Variants in GALNT10 observed in about 807,000 individuals in gnomAD.
GALNT10 encodes the protein GalNAc transferase 10.
Under a neutral mutation model 75.0 loss-of-function variants are expected in GALNT10, and 41 were observed. That is an observed-to-expected ratio of 0.55 (90% CI 0.43 to 0.71). The LOEUF is 0.71. Among genes scored for constraint, GALNT10 ranks in the 30% least tolerant of loss-of-function variants. The probability of loss-of-function intolerance (pLI) is 0.00; values close to 1 mark genes in which losing one functional copy is unlikely to be tolerated. For synonymous variants in GALNT10, 302 were observed against 313.0 expected, an observed-to-expected ratio of 0.96 and a Z score of 0.37; for missense variants, 727 against 818.5, an observed-to-expected ratio of 0.89 and a Z score of 1.36.
chr5:154,264,597 A>C (rs1224875496), intron 1 of GALNT10, among the ~76,000 whole-genome samples: 1 of 152,116 alleles, frequency 6.6e-6, no homozygotes, highest in African/African-American at 2.4e-5. Flanking sequence ...AAGAAGAGTA[A>C]ATCTTTTTAC....
intron 1 of GALNT10, among the ~76,000 whole-genome samples, chr5:154,270,869 C>A (rs1352895062): frequency 6.6e-6 from 1 of 151,862 alleles, no homozygotes; most frequent in Non-Finnish European, 1.5e-5. Context: ...TGGCGCACAC[C>A]TGTAGTCCCA....
At position 154,412,739 on chromosome 5, in the gene GALNT10, C is replaced by T. The variant is rs1258440855; in HGVS notation, c.1387-150C>T. The T allele has an allele frequency of 4.3e-6, 3 of 695,672 alleles. No individual in the cohort carries two copies. Among genetic ancestry groups the T allele is most frequent in the Non-Finnish European group, 5.2e-6 (2 of 383,860 alleles). 43.1% of individuals were successfully genotyped at this position (695,672 alleles called of 1,614,324 possible). A position where few individuals can be genotyped will look rare whatever the true frequency, so the allele number is the denominator to read the frequency against. On this transcript the variant is annotated intron_variant, in intron 9 of 11. Coordinates refer to ENST00000297107, the MANE Select transcript of GALNT10 (RefSeq NM_198321.4). The surrounding 1 kb of genome is among the most constrained non-coding windows in gnomAD (Gnocchi z 4.2). ...TTCCTTCATTGAGAGGCTCAAGGTA[C>T]TTCCAACAGCCCAGGGCAAGCTTTA... is the stretch of plus-strand genomic sequence containing the variant.
In GALNT10 at chr5:154,419,516, G is replaced by C. The variant is rs147326733; in HGVS notation, c.*2544G>C. 6.6e-6 allele frequency: 1 copy of C among 152,400 alleles called. No homozygotes were observed. The highest frequency in any genetic ancestry group is 2.1e-4 in the South Asian group (1 of 4,826). 9.4% of individuals were successfully genotyped at this position (152,400 alleles called of 1,614,324 possible). A position where few individuals can be genotyped will look rare whatever the true frequency, so the allele number is the denominator to read the frequency against. ...GTGAAAGCAGGAGCAGCAGCAAGCC[G>C]TCCCGGGCCTGCCTTTCCCATCCTT... is the stretch of plus-strand genomic sequence containing the variant. On this transcript the variant is annotated 3_prime_UTR_variant, in exon 12 of 12. Transcript: ENST00000297107.
chr5:154,341,138 G>A (rs79345169), intron 4 of GALNT10, among the ~76,000 whole-genome samples: 1,791 of 151,686 alleles, frequency 0.012, 30 homozygotes, highest in African/African-American at 0.041. Flanking sequence ...CCTTCCTCTC[G>A]TGTGATTTAG....
chr5:154,224,778 CTTT>C (rs549615789), intron 1 of GALNT10, among the ~76,000 whole-genome samples: 3 of 117,582 alleles, frequency 2.6e-5, no homozygotes, highest in African/African-American at 6.2e-5. Context: ...AAGCTCACTT[CTTT>C]TTTTTTTTTT....
chr5:154,370,654 C>T (rs1387541558), intron 4 of GALNT10, among the ~76,000 whole-genome samples: 3 of 152,118 alleles, frequency 2.0e-5, no homozygotes, highest in Non-Finnish European at 4.4e-5. Flanking sequence ...GGGGGCAAGA[C>T]GAGGCTGAAG....
At chr5:154,335,783 T>A (rs1302501929) in intron 4 of GALNT10, among the ~76,000 whole-genome samples, 1 of 152,160 alleles carries the variant, frequency 6.6e-6, no homozygotes. Context: ...TCCCATACCA[T>A]AGTGGTACAT....
rs754745418 is a variant in GALNT10 at position 154,416,961 on chromosome 5, A to G, written c.1801A>G (p.Asn601Asp). The change falls in exon 12 of 12, where the codon AAT becomes GAT. Residue 601 changes from asparagine (N) to aspartate (D), a missense_variant. Physicochemically the swap from Asn to Asp is conservative, Grantham distance 23. Coordinates refer to ENST00000297107, the MANE Select transcript of GALNT10 (RefSeq NM_198321.4). This position sits in a 1 kb window ranked among gnomAD's most constrained non-coding sequence, Gnocchi z 4.5. ...HTNSTVLEKF[N>D]RN ...CAACTCAACAGTCTTGGAAAAATTCAATAGGAACTGAGCCCTCATGTCCCC... is the reference window on the plus strand; with the variant it reads ...CAACTCAACAGTCTTGGAAAAATTCGATAGGAACTGAGCCCTCATGTCCCC... The G allele has an allele frequency of 4.3e-6, 7 of 1,614,120 alleles. No individual in the cohort carries two copies. Among genetic ancestry groups the G allele is most frequent in the Non-Finnish European group, 5.9e-6 (7 of 1,179,982 alleles).
chr5:154,312,538 C>A (rs1754537364), intron 3 of GALNT10, among the ~76,000 whole-genome samples: 1 of 152,052 alleles, frequency 6.6e-6, no homozygotes. Flanking sequence ...TCTACAAGTA[C>A]TTTTTTCACT....
At chr5:154,214,680 A>G (rs1012280442) in intron 1 of GALNT10, among the ~76,000 whole-genome samples, 2 of 152,236 alleles carry the variant, frequency 1.3e-5, no homozygotes, top group Non-Finnish European at 2.9e-5. Context: ...ATCTTGTGGT[A>G]CAAAGTGACG....
intron 3 of GALNT10, among the ~76,000 whole-genome samples, chr5:154,317,668 T>C (rs1159584190): frequency 6.6e-6 from 1 of 152,226 alleles, no homozygotes; most frequent in African/African-American, 2.4e-5. Context: ...CCAAAACAGA[T>C]TCATTTGACG....
chr5:154,274,396 A>G (rs1753918373), intron 1 of GALNT10, among the ~76,000 whole-genome samples: 1 of 152,200 alleles, frequency 6.6e-6, no homozygotes, highest in African/African-American at 2.4e-5. Flanking sequence ...TTATGCTACT[A>G]TCTTGCCAAG....
intron 1 of GALNT10, among the ~76,000 whole-genome samples, chr5:154,249,149 A>T (rs34761788): frequency 0.63 from 96,354 of 152,090 alleles, 31,161 homozygotes; most frequent in East Asian, 0.86. Flanking sequence ...TTTTCCTTTC[A>T]CATAATGCAG....
chr5:154,195,959 G>C (rs1774931992), intron 1 of GALNT10, among the ~76,000 whole-genome samples: 1 of 151,764 alleles, frequency 6.6e-6, no homozygotes, highest in Admixed American at 6.6e-5. Flanking sequence ...TTTTGCTCTT[G>C]TTGCCCAGGC....
At chr5:154,302,824 T>C (rs573282349) in intron 3 of GALNT10, among the ~76,000 whole-genome samples, 122 of 152,304 alleles carry the variant, frequency 8.0e-4, no homozygotes, top group African/African-American at 2.8e-3. Flanking sequence ...AAAGAACTTA[T>C]AAGCTCATAT....
At chr5:154,351,143 C>G (rs1038632666) in intron 4 of GALNT10, among the ~76,000 whole-genome samples, 3 of 152,220 alleles carry the variant, frequency 2.0e-5, no homozygotes, top group African/African-American at 7.2e-5. Context: ...AGTGCTATGC[C>G]AATCAATTGA....
chr5:154,363,438 G>A (rs1755421502), intron 4 of GALNT10, among the ~76,000 whole-genome samples: 1 of 143,914 alleles, frequency 6.9e-6, no homozygotes, highest in Admixed American at 7.2e-5. Flanking sequence ...TTCCCTGCAG[G>A]ACGTCTGAAT....
At position 154,404,180 on chromosome 5, in the gene GALNT10, ACAAGGT is replaced by A; in HGVS notation, c.1135_1140del (p.Lys379_Val380del). 6.2e-7 allele frequency: 1 copy of A among 1,609,792 alleles called. No individual in the cohort carries two copies. The highest frequency in any genetic ancestry group is 8.5e-7 in the Non-Finnish European group (1 of 1,177,398). On this transcript the variant is annotated inframe_deletion, in exon 8 of 12. Transcript: ENST00000297107. Reference sequence around the variant, plus strand: ...CATATCTACAGGAAGTATGTGCCCTACAAGGTCCCGGCCGGAGTCAGCCTGGCCCGG... The same window carrying A: ...CATATCTACAGGAAGTATGTGCCCTACCCGGCCGGAGTCAGCCTGGCCCGG...
chr5:154,302,659 C>G (rs1425234917), intron 3 of GALNT10, among the ~76,000 whole-genome samples: 1 of 152,212 alleles, frequency 6.6e-6, no homozygotes, highest in Non-Finnish European at 1.5e-5. Context: ...TCCTGACCTG[C>G]TTTCTCCATT....
Sources: allele counts gnomAD v4.1 joint callset (sites outside exome capture counted in the v4.1 genomes callset), GRCh38; gene constraint gnomAD v4.1.1; non-coding constraint Gnocchi (gnomAD v3.1); transcripts MANE v1.5; gene names NCBI Gene and HGNC (gene_info 2026-07-23, HGNC 2026-07-21).